The following CACNA2D1 variants were observed in gnomAD, a reference collection of about 807,000 sequenced individuals.
CACNA2D1 encodes voltage-dependent calcium channel subunit alpha-2/delta-1.
A neutral mutation model predicts 171.5 loss-of-function variants in CACNA2D1; 53 were observed. That is an observed-to-expected ratio of 0.31 (90% CI 0.25 to 0.39). CACNA2D1 has a LOEUF of 0.39. CACNA2D1 is among the 10% of genes least tolerant of loss of function. CACNA2D1 has a pLI of 1.00. For synonymous variants in CACNA2D1, 442 were observed against 443.1 expected (o/e 1.00, Z 0.03); for missense variants, 903 against 1,299.8 (o/e 0.69, Z 4.69).
chr7:82,306,769 T>C (rs76380651), intron 3 of CACNA2D1, among the ~76,000 whole-genome samples: 5,784 of 152,194 alleles, frequency 0.038, 137 homozygotes, highest in South Asian at 0.081. Context: ...AAAAGGCTTA[T>C]TAGCTTGAGT....
chr7:82,265,843 A>G (rs1206558007), intron 3 of CACNA2D1, among the ~76,000 whole-genome samples: 1 of 152,108 alleles, frequency 6.6e-6, no homozygotes, highest in Admixed American at 6.6e-5. Flanking sequence ...AATTTGGAGA[A>G]CTGAGAGGCA....
At chr7:82,308,838 TTC>T (rs1814062655) in intron 3 of CACNA2D1, among the ~76,000 whole-genome samples, 1 of 152,238 alleles carries the variant, frequency 6.6e-6, no homozygotes, top group Admixed American at 6.5e-5. Flanking sequence ...GACAGAAATT[TTC>T]TCTCTTAATT....
intron 35 of CACNA2D1, 144 bp downstream of exon 35, chr7:81,962,296 A>G: frequency 1.4e-6 from 1 of 740,436 alleles, no homozygotes. Flanking sequence ...AGGTTGGACA[A>G]AAAGTTTCTA....
rs202050791 is a variant in CACNA2D1, at chr7:82,127,927, G to GTT, written c.396+8706_396+8707dup. On this transcript the variant is annotated intron_variant, in intron 5 of 38. Coordinates refer to ENST00000356860, the MANE Select transcript of CACNA2D1 (RefSeq NM_000722.4). ...TGCATAGTTTGTTTTGTTTTCTGAG[G>GTT]TTTTTTGTTTGTTTTTGAGACAGGG... 5.7e-3 allele frequency among the ~76,000 whole-genome samples: 859 copies of GTT among 151,952 alleles called. 6 individuals are homozygous for GTT. The highest frequency in any genetic ancestry group is 7.9e-3 in the Non-Finnish European group (539 of 67,956).
At chr7:81,990,163 A>C (rs1170539229) in intron 21 of CACNA2D1, among the ~76,000 whole-genome samples, 1 of 152,162 alleles carries the variant, frequency 6.6e-6, no homozygotes, top group East Asian at 1.9e-4. Context: ...ATGCTACTTA[A>C]AGTGTTTTCC....
chr7:82,309,280 C>T (rs915229263), intron 3 of CACNA2D1, among the ~76,000 whole-genome samples: 15 of 152,046 alleles, frequency 9.9e-5, no homozygotes, highest in African/African-American at 3.1e-4. Context: ...GTGGTGGATG[C>T]CTGTAATCCC....
intron 4 of CACNA2D1, among the ~76,000 whole-genome samples, chr7:82,139,102 A>C (rs1792053843): frequency 6.6e-6 from 1 of 152,202 alleles, no homozygotes; most frequent in African/African-American, 2.4e-5. Context: ...GTGCCAAGAA[A>C]GGCAAAAAAT....
chr7:82,089,984 C>T (rs1810949360), intron 6 of CACNA2D1, among the ~76,000 whole-genome samples: 1 of 152,124 alleles, frequency 6.6e-6, no homozygotes. Context: ...GCTTTTGTAA[C>T]AGCTTTGAGA....
intron 6 of CACNA2D1, among the ~76,000 whole-genome samples, chr7:82,097,002 G>T (rs1017144402): frequency 6.6e-6 from 1 of 152,084 alleles, no homozygotes; most frequent in African/African-American, 2.4e-5. Flanking sequence ...CAGAAACTAA[G>T]CAAAGGTTTT....
At chr7:82,166,493 T>C (rs1001147347) in intron 4 of CACNA2D1, among the ~76,000 whole-genome samples, 2 of 152,040 alleles carry the variant, frequency 1.3e-5, no homozygotes, top group Non-Finnish European at 2.9e-5. Context: ...ACAATTAATA[T>C]TGCAAGCTTC....
chr7:81,959,390 G>GT (rs770241654), intron 37 of CACNA2D1, 33 bp from the exon 38 acceptor site: 5 of 1,415,656 alleles, frequency 3.5e-6, no homozygotes, highest in Admixed American at 1.7e-5. Flanking sequence ...TCTCATGTTA[G>GT]TTTTTTTCAC....
At chr7:82,003,246 T>G (rs6963849) in intron 18 of CACNA2D1, among the ~76,000 whole-genome samples, 2 of 152,072 alleles carry the variant, frequency 1.3e-5, no homozygotes, top group African/African-American at 4.8e-5. Context: ...TTTTTCATGG[T>G]GTTCTGAAAT....
intron 17 of CACNA2D1, 102 bp from the exon 18 acceptor site, chr7:82,005,599 T>C (rs1452392443): frequency 1.0e-5 from 9 of 877,150 alleles, no homozygotes; most frequent in Non-Finnish European, 1.3e-5. Context: ...TTGTATAGCA[T>C]GTTGAAAGAT....
chr7:81,958,598 T>C (rs1214219343), intron 38 of CACNA2D1, among the ~76,000 whole-genome samples: 1 of 151,716 alleles, frequency 6.6e-6, no homozygotes, highest in Non-Finnish European at 1.5e-5. Context: ...TAAATCAGAA[T>C]AGTATTTATT....
At position 82,435,987 on chromosome 7, in the gene CACNA2D1, G is replaced by A. The variant is rs536533698; in HGVS notation, c.95+7378C>T. On this transcript the variant is annotated intron_variant, in intron 1 of 38. Coordinates refer to ENST00000356860, the MANE Select transcript of CACNA2D1 (RefSeq NM_000722.4). ...CGTTTCTTTAGACCATGCCCCTTCA[G>A]TATGCAATGTACTTTTTCCTTGGTC... Among the ~76,000 whole-genome samples the A allele has an allele frequency of 3.9e-5, 6 of 152,260 alleles. No homozygotes were observed. In the South Asian group the frequency reaches 1.2e-3, roughly 32 times the overall value.
At position 82,367,758 on chromosome 7, in the gene CACNA2D1, A is replaced by G. The variant is rs115300890; in HGVS notation, c.96-18109T>C. On this transcript the variant is annotated intron_variant, in intron 1 of 38. Transcript: ENST00000356860. ...GGTATATTAGCAAGGCGTGATGAAC[A>G]AGGTTTCTACTGGAAAAGCATGGAC... Among the ~76,000 whole-genome samples, 1,178 of 152,268 alleles carry G rather than the reference A, an allele frequency of 7.7e-3. 20 individuals are homozygous for G. The highest frequency in any genetic ancestry group is 0.026 in the African/African-American group (1,094 of 41,562).
intron 1 of CACNA2D1, among the ~76,000 whole-genome samples, chr7:82,409,841 C>CAT (rs1354664936): frequency 2.0e-5 from 3 of 152,128 alleles, no homozygotes; most frequent in African/African-American, 7.2e-5. Context: ...GTGCAAATAT[C>CAT]ATAGAGTGTA....
intron 10 of CACNA2D1, among the ~76,000 whole-genome samples, chr7:82,042,640 G>A (rs1392690270): frequency 2.6e-5 from 4 of 152,120 alleles, no homozygotes; most frequent in East Asian, 1.9e-4. Flanking sequence ...GGCATCTGGG[G>A]TAAAAATCCT....
intron 3 of CACNA2D1, among the ~76,000 whole-genome samples, chr7:82,309,393 T>C (rs778794539): frequency 6.0e-5 from 9 of 151,036 alleles, no homozygotes; most frequent in Admixed American, 1.3e-4. Context: ...GTGACAAGAG[T>C]GAAACTATGT....
Sources: allele counts gnomAD v4.1 joint callset (sites outside exome capture counted in the v4.1 genomes callset), GRCh38; gene constraint gnomAD v4.1.1; transcripts MANE v1.5; gene names NCBI Gene and HGNC (gene_info 2026-07-23, HGNC 2026-07-21).